The following C8orf74 variants were observed in gnomAD, a reference collection of about 807,000 sequenced individuals.
C8orf74 encodes uncharacterized protein C8orf74.
A neutral mutation model predicts 22.2 loss-of-function variants in C8orf74; 29 were observed. That is an observed-to-expected ratio of 1.31 (90% CI 0.97 to 1.78). C8orf74 has a LOEUF of 1.78. Among genes scored for constraint, C8orf74 ranks in the 40% most tolerant of loss-of-function variants. C8orf74 has a pLI of 0.00. For missense variants in C8orf74, 515 were observed against 369.9 expected (o/e 1.39, Z -3.22); for synonymous variants, 255 against 163.1 (o/e 1.56, Z -4.30).
chr8:10,679,301 G>A (rs1272247702), intron 2 of C8orf74, among the ~76,000 whole-genome samples: 1 of 152,112 alleles, frequency 6.6e-6, no homozygotes, highest in Non-Finnish European at 1.5e-5. Flanking sequence ...ACCCTCCTGG[G>A]CTCCACTGTC....
chr8:10,700,372 C>G lies in C8orf74; in HGVS notation c.786C>G (p.Pro262=), dbSNP rs751639132. The change falls in exon 4 of 4, where the codon CCC becomes CCG. Residue 262 remains proline (P), a synonymous_variant. Coordinates refer to ENST00000304519, the MANE Select transcript of C8orf74 (RefSeq NM_001040032.2). ...AGAAGACTCTGAACCTCAACGCCCC[C>G]ACCCCTATCCCGCCCCCCATCACCA... ...LQKKTLNLNA[P]TPIPPPITSH... 8 of 1,608,524 alleles carry G rather than the reference C, an allele frequency of 5.0e-6. No individual in the cohort carries two copies. Among genetic ancestry groups the G allele is most frequent in the Non-Finnish European group, 6.8e-6 (8 of 1,174,998 alleles).
chr8:10,700,484 G>A lies in C8orf74; in HGVS notation c.*13G>A, dbSNP rs1799634317. The A allele has an allele frequency of 3.3e-6, 5 of 1,511,648 alleles. No homozygotes were observed. Among genetic ancestry groups the A allele is most frequent in the South Asian group, 1.3e-5 (1 of 79,318 alleles). The allele number at this position is 1,511,648 out of a possible 1,614,324, so 93.6% of individuals were successfully genotyped here. On this transcript the variant is annotated 3_prime_UTR_variant, in exon 4 of 4. Coordinates refer to ENST00000304519, the MANE Select transcript of C8orf74 (RefSeq NM_001040032.2). Reference sequence around the variant, plus strand: ...GGCAAGGAAGTAGAAGGTCCCGACTGCCACACGAGACTGACTGGGGACCAG... The same window carrying A: ...GGCAAGGAAGTAGAAGGTCCCGACTACCACACGAGACTGACTGGGGACCAG...
At chr8:10,689,099 A>G (rs371151365) in intron 2 of C8orf74, 21 of 152,190 alleles carry the variant, frequency 1.4e-4, no homozygotes, top group African/African-American at 4.8e-4. Context: ...TGACCTATCA[A>G]AAAGCACCAG....
chr8:10,681,573 C>T (rs1799149549), intron 2 of C8orf74, among the ~76,000 whole-genome samples: 1 of 152,194 alleles, frequency 6.6e-6, no homozygotes, highest in Non-Finnish European at 1.5e-5. Flanking sequence ...CTGCTTCAGG[C>T]TTCCCTTGGC....
intron 2 of C8orf74, among the ~76,000 whole-genome samples, chr8:10,681,879 T>C (rs981474729): frequency 7.2e-5 from 11 of 152,038 alleles, no homozygotes; most frequent in African/African-American, 2.7e-4. Context: ...CATCTGCAGT[T>C]CCACCCATGG....
intron 2 of C8orf74, among the ~76,000 whole-genome samples, chr8:10,690,376 T>C (rs1426462512): frequency 6.6e-6 from 1 of 151,830 alleles, no homozygotes; most frequent in Non-Finnish European, 1.5e-5. Context: ...TGAAGGAGTT[T>C]AGTAGTCTCC....
chr8:10,695,704 C>T (rs561799839), intron 2 of C8orf74, among the ~76,000 whole-genome samples: 28 of 152,128 alleles, frequency 1.8e-4, no homozygotes, highest in African/African-American at 5.8e-4. Context: ...TGAGACAGTC[C>T]CTGCTGAAGG....
chr8:10,697,751 G>A lies in C8orf74; in HGVS notation c.394G>A (p.Asp132Asn). The change falls in exon 3 of 4, where the codon GAC (aspartate) becomes AAC (asparagine). Residue 132 changes from aspartate to asparagine, a missense_variant. Asp to Asn is a conservative substitution (Grantham distance 23, BLOSUM62 1). Coordinates refer to ENST00000304519, the MANE Select transcript of C8orf74 (RefSeq NM_001040032.2). Reference sequence around the variant, plus strand: ...ACTCTACCAGTATGTCCTGGGCCAGGACCAGCAGGTCGACCTGACCGTTGC... The same window carrying A: ...ACTCTACCAGTATGTCCTGGGCCAGAACCAGCAGGTCGACCTGACCGTTGC... ...YKLYQYVLGQ[D>N]QQVDLTVAHL... is the part of the protein sequence containing the mutation. The A allele has an allele frequency of 6.2e-7, 1 of 1,614,044 alleles. No individual in the cohort carries two copies.
chr8:10,688,653 G>A (rs1799312109), intron 2 of C8orf74: 1 of 152,336 alleles, frequency 6.6e-6, no homozygotes, highest in Non-Finnish European at 1.5e-5. Context: ...GCAGGAGGAT[G>A]ATGCATCTCC....
At chr8:10,686,899 C>T (rs564005138) in intron 2 of C8orf74, among the ~76,000 whole-genome samples, 1 of 152,318 alleles carries the variant, frequency 6.6e-6, no homozygotes, top group East Asian at 1.9e-4. Flanking sequence ...CTGTCCCCTT[C>T]ACTGTTTGAG....
At chr8:10,694,773 T>C (rs1405844358) in intron 2 of C8orf74, among the ~76,000 whole-genome samples, 1 of 152,152 alleles carries the variant, frequency 6.6e-6, no homozygotes, top group Non-Finnish European at 1.5e-5. Context: ...AATGGAAGGA[T>C]GGGTGAATGG....
chr8:10,695,683 G>T (rs757516488), intron 2 of C8orf74, among the ~76,000 whole-genome samples: 8 of 152,084 alleles, frequency 5.3e-5, no homozygotes, highest in Admixed American at 5.2e-4. Context: ...AAACAACCTC[G>T]TGGGCAAGAC....
chr8:10,682,391 C>T (rs1018384997), intron 2 of C8orf74, among the ~76,000 whole-genome samples: 3 of 152,206 alleles, frequency 2.0e-5, no homozygotes, highest in Admixed American at 6.5e-5. Context: ...CAACAACAAA[C>T]ATTTATTTCC....
chr8:10,680,696 G>A (rs978808037), intron 2 of C8orf74, among the ~76,000 whole-genome samples: 3 of 152,254 alleles, frequency 2.0e-5, no homozygotes, highest in Non-Finnish European at 4.4e-5. Flanking sequence ...TTGGCCCTGA[G>A]CACACAAGGG....
chr8:10,690,771 A>G (rs1313267346), intron 2 of C8orf74: 1 of 436,976 alleles, frequency 2.3e-6, no homozygotes, highest in African/African-American at 2.0e-5. Flanking sequence ...TTCTGCCCTG[A>G]TCGTGGAGCT....
At chr8:10,674,584 C>T in intron 1 of C8orf74, 62 bp from the exon 2 acceptor site, 1 of 1,371,718 alleles carries the variant, frequency 7.3e-7, no homozygotes, top group Non-Finnish European at 9.9e-7. Context: ...ACCCCGTAGC[C>T]CCTATATCAT....
chr8:10,684,892 G>C (rs1030891955), intron 2 of C8orf74, among the ~76,000 whole-genome samples: 9 of 152,186 alleles, frequency 5.9e-5, no homozygotes, highest in African/African-American at 2.2e-4. Flanking sequence ...GGTGACTTGA[G>C]CATGAACGCT....
chr8:10,674,798 G>C lies in C8orf74; in HGVS notation c.201G>C (p.Gln67His). Residue 67 changes from glutamine (Q) to histidine (H), a missense_variant, in exon 2 of 4, where the codon CAG becomes CAC. By Grantham distance (24) the Gln-to-His change is conservative (BLOSUM62 0). Coordinates refer to ENST00000304519, the MANE Select transcript of C8orf74 (RefSeq NM_001040032.2). ...GCTTCCCATGGGTGGAGGTGGCCCA[G>C]GTGGTCAAGTTCACAGAAGAGCTGC... ...GKGFPWVEVA[Q>H]VVKFTEELLR... 5 of 1,605,938 alleles carry C rather than the reference G, an allele frequency of 3.1e-6. No individual in the cohort carries two copies. Among genetic ancestry groups the C allele is most frequent in the Non-Finnish European group, 4.3e-6 (5 of 1,176,306 alleles).
At chr8:10,696,186 C>A (rs74467720) in intron 2 of C8orf74, among the ~76,000 whole-genome samples, 1 of 151,952 alleles carries the variant, frequency 6.6e-6, no homozygotes, top group Non-Finnish European at 1.5e-5. Flanking sequence ...AGAGCCCTGC[C>A]TCTGACCACT....
Sources: allele counts gnomAD v4.1 joint callset (sites outside exome capture counted in the v4.1 genomes callset), GRCh38; gene constraint gnomAD v4.1.1; transcripts MANE v1.5; gene names NCBI Gene and HGNC (gene_info 2026-07-23, HGNC 2026-07-21).